The following MAZ variants were observed in gnomAD, a reference collection of about 807,000 sequenced individuals.
MAZ encodes myc-associated zinc finger protein.
A neutral mutation model predicts 32.7 loss-of-function variants in MAZ; 4 were observed. The ratio of observed to expected loss-of-function variants is 0.12; its 90% CI spans 0.06 to 0.28. The LOEUF is 0.28. Among genes scored for constraint, MAZ ranks in the 10% least tolerant of loss-of-function variants. The probability of loss-of-function intolerance (pLI) is 1.00; values close to 1 mark genes in which losing one functional copy is unlikely to be tolerated. For synonymous variants in MAZ, 510 were observed against 297.6 expected (o/e 1.71, Z -7.35); for missense variants, 763 against 667.2 (o/e 1.14, Z -1.58).
In MAZ at chr16:29,806,732, G is replaced by GCC; in HGVS notation, c.38_39dup (p.Phe14ProfsTer16). 1.5e-6 allele frequency: 2 copies of GCC among 1,378,002 alleles called. No homozygotes were observed. The highest frequency in any genetic ancestry group is 1.4e-5 in the South Asian group (1 of 69,274). The allele number at this position is 1,378,002 out of a possible 1,614,324, so 85.4% of individuals were successfully genotyped here. Reference sequence around the variant, plus strand: ...CCCGGTGTTTCCTTGCACGCTGCTGGCCCCCCCCTTCCCCGTGCTGGGCCT... The same window carrying GCC: ...CCCGGTGTTTCCTTGCACGCTGCTGGCCCCCCCCCCTTCCCCGTGCTGGGCCT... On this transcript the variant is annotated frameshift_variant, in exon 1 of 5. Transcript: ENST00000322945. LOFTEE classifies it high-confidence loss of function.
At chr16:29,806,193 TCCCCCCGCCCCCAC>T, upstream of MAZ, 2 of 215,028 alleles carry the variant, frequency 9.3e-6, no homozygotes, top group Non-Finnish European at 7.9e-6. Context: ...AACAACTCCC[TCCCCCCGCCCCCAC>T]CCCCCTGCCC....
rs902744487 is a variant in MAZ at position 29,811,067 on chromosome 16, G to C, written c.*836G>C. 1.0e-4 allele frequency: 47 copies of C among 454,888 alleles called. No homozygotes were observed. The highest frequency in any genetic ancestry group is 1.9e-4 in the Non-Finnish European group (43 of 226,260). 28.2% of individuals were successfully genotyped at this position (454,888 alleles called of 1,614,324 possible). ...CACGACAGAAGAAGTTGTGGCCCTG[G>C]CCATGTCATCGTGTTCCTGTGTCCC... is the stretch of plus-strand genomic sequence containing the variant. On this transcript the variant is annotated 3_prime_UTR_variant, in exon 5 of 5. Transcript: ENST00000322945.
chr16:29,807,533 G>A lies in MAZ; in HGVS notation c.748G>A (p.Glu250Lys), dbSNP rs766579552. ...QLSGAGGGGGEAGAGGGAAAV... is the reference protein window; with the variant it reads ...QLSGAGGGGGKAGAGGGAAAV... ...GAGCGGAGCCGGCGGGGGAGGGGGA[G>A]AGGCGGGTGCCGGCGGCGGCGCTGC... The change falls in exon 2 of 5, where the codon GAG becomes AAG. Residue 250 changes from glutamate to lysine, a missense_variant. Coordinates refer to ENST00000322945, the MANE Select transcript of MAZ (RefSeq NM_002383.4). 2 of 1,603,350 alleles carry A rather than the reference G, an allele frequency of 1.2e-6. No homozygotes were observed. The highest frequency in any genetic ancestry group is 1.7e-6 in the Non-Finnish European group (2 of 1,176,486).
chr16:29,808,419 C>A lies in MAZ; in HGVS notation c.1107+126C>A, dbSNP rs540067493. ...TTGCCTTTTTGCTCCATTTTCTCAT[C>A]CCTTCTTCAAGGCCTCATCATGTCA... On this transcript the variant is annotated intron_variant, in intron 3 of 4. Coordinates refer to ENST00000322945, the MANE Select transcript of MAZ (RefSeq NM_002383.4). 9 of 1,078,960 alleles carry A rather than the reference C, an allele frequency of 8.3e-6. 1 individual carries two copies. The Admixed American group carries it at 9.9e-5, about 12-fold the overall frequency. 66.8% of individuals were successfully genotyped at this position (1,078,960 alleles called of 1,614,324 possible). A position where few individuals can be genotyped will look rare whatever the true frequency, so the allele number is the denominator to read the frequency against.
At chr16:29,809,247 G>T (rs1426464550) in intron 4 of MAZ, 5 of 534,850 alleles carry the variant, frequency 9.3e-6, no homozygotes, top group Non-Finnish European at 1.6e-5. Context: ...GGTCAACCCT[G>T]CAAGTGGCTA....
chr16:29,809,725 C>A, intron 4 of MAZ: 1 of 1,463,308 alleles, frequency 6.8e-7, no homozygotes, highest in Non-Finnish European at 9.0e-7. Context: ...CGCCCCCCAG[C>A]CACAGCCCAC....
At position 29,811,105 on chromosome 16, in the gene MAZ, C is replaced by T. The variant is rs1291338531; in HGVS notation, c.*874C>T. 2 of 451,176 alleles carry T rather than the reference C, an allele frequency of 4.4e-6. No homozygotes were observed. Among genetic ancestry groups the T allele is most frequent in the Non-Finnish European group, 8.9e-6 (2 of 224,568 alleles). The allele number at this position is 451,176 out of a possible 1,614,324, so 27.9% of individuals were successfully genotyped here. On this transcript the variant is annotated 3_prime_UTR_variant, in exon 5 of 5. Transcript: ENST00000322945. Reference sequence around the variant, plus strand: ...GTTCCTGTGTCCCCTGCATGTACCCCACCCTCCACCCCTTCCTTTTGCGCG... The same window carrying T: ...GTTCCTGTGTCCCCTGCATGTACCCTACCCTCCACCCCTTCCTTTTGCGCG...
intron 4 of MAZ, 120 bp from the exon 5 acceptor site, chr16:29,809,957 T>A (rs1378669369): frequency 1.4e-6 from 2 of 1,480,422 alleles, no homozygotes; most frequent in Non-Finnish European, 1.8e-6. Flanking sequence ...GCCTCTGGGG[T>A]CCAGATAGGA....
intron 3 of MAZ, 134 bp downstream of exon 3, chr16:29,808,427 C>G (rs537347860): frequency 2.1e-5 from 22 of 1,026,482 alleles, no homozygotes; most frequent in Admixed American, 2.0e-5. Context: ...ATCCCTTCTT[C>G]AAGGCCTCAT....
rs760052132 is a variant in MAZ, at chr16:29,807,325, G to A, written c.540G>A (p.Leu180=). The A allele has an allele frequency of 7.1e-5, 114 of 1,608,384 alleles. No individual in the cohort carries two copies. Among genetic ancestry groups the A allele is most frequent in the Non-Finnish European group, 9.3e-5 (109 of 1,178,140 alleles). ...TVAVAPVASA[L]EKKTKSKGPY... is the part of the protein sequence containing the mutation. ...CCGTGGCCCCGGTCGCGTCTGCCTT[G>A]GAGAAGAAGACAAAGAGCAAGGGGC... Residue 180 remains leucine (L), a synonymous_variant, in exon 2 of 5, where the codon TTG becomes TTA. Coordinates refer to ENST00000322945, the MANE Select transcript of MAZ (RefSeq NM_002383.4).
upstream of MAZ, chr16:29,806,145 A>G: frequency 2.5e-6 from 2 of 785,678 alleles, no homozygotes; most frequent in Non-Finnish European, 3.3e-6. Context: ...TCCCTCCGCC[A>G]TGGATCCCAG....
chr16:29,807,538 G>A lies in MAZ; in HGVS notation c.753G>A (p.Ala251=). The change falls in exon 2 of 5, where the codon GCG becomes GCA. Residue 251 remains alanine, a synonymous_variant. Coordinates refer to ENST00000322945, the MANE Select transcript of MAZ (RefSeq NM_002383.4). ...LSGAGGGGGE[A]GAGGGAAAVA... is the part of the protein sequence containing the mutation. Reference sequence around the variant, plus strand: ...GAGCCGGCGGGGGAGGGGGAGAGGCGGGTGCCGGCGGCGGCGCTGCCGCAG... The same window carrying A: ...GAGCCGGCGGGGGAGGGGGAGAGGCAGGTGCCGGCGGCGGCGCTGCCGCAG... 1 of 1,601,534 alleles carries A rather than the reference G, an allele frequency of 6.2e-7. No homozygotes were observed. The highest frequency in any genetic ancestry group is 8.5e-7 in the Non-Finnish European group (1 of 1,175,444).
Position 29,807,846 on chromosome 16 carries a change from G to A in MAZ, c.1043+18G>A. The stretch of plus-strand genomic sequence containing the variant: ...TTCTCCCGGTGTGCACGGGGCCTCG[G>A]CCGCCCGCTAGGCCGTGGGGAGGGA... On this transcript the variant is annotated intron_variant, in intron 2 of 4. Coordinates refer to ENST00000322945, the MANE Select transcript of MAZ (RefSeq NM_002383.4). The A allele has an allele frequency of 1.3e-6, 2 of 1,597,028 alleles. No individual in the cohort carries two copies. Among genetic ancestry groups the A allele is most frequent in the Non-Finnish European group, 1.7e-6 (2 of 1,175,792 alleles).
At chr16:29,808,407 C>A (rs73528341) in intron 3 of MAZ, 114 bp downstream of exon 3, 3 of 1,149,032 alleles carry the variant, frequency 2.6e-6, no homozygotes, top group African/African-American at 3.1e-5. Flanking sequence ...CCTTTTTGCT[C>A]CATTTTCTCA....
chr16:29,806,830 G>T lies in MAZ; in HGVS notation c.129G>T (p.Gln43His). The T allele has an allele frequency of 6.9e-7, 1 of 1,454,944 alleles. No individual in the cohort carries two copies. Among genetic ancestry groups the T allele is most frequent in the Non-Finnish European group, 9.1e-7 (1 of 1,096,682 alleles). The allele number at this position is 1,454,944 out of a possible 1,614,324, so 90.1% of individuals were successfully genotyped here. Residue 43 changes from glutamine (Q) to histidine (H), a missense_variant, in exon 1 of 5, where the codon CAG becomes CAT. Physicochemically the swap from Gln to His is conservative, Grantham distance 24 (BLOSUM62 0). Coordinates refer to ENST00000322945, the MANE Select transcript of MAZ (RefSeq NM_002383.4). ...AGGGTCACGCCCAGAACCCCCTGCA[G>T]GTCGGGGCTGAGCTCCAGTCCCGCT... ...PPQGHAQNPLQVGAELQSRFF... is the reference protein window; with the variant it reads ...PPQGHAQNPLHVGAELQSRFF...
Position 29,810,351 on chromosome 16 carries a change from G to A in MAZ, c.*120G>A, listed in dbSNP as rs776242295. The A allele has an allele frequency of 9.7e-6, 10 of 1,030,614 alleles. No homozygotes were observed. The highest frequency in any genetic ancestry group is 7.8e-5 in the East Asian group (3 of 38,674). The allele number at this position is 1,030,614 out of a possible 1,614,324, so 63.8% of individuals were successfully genotyped here. On this transcript the variant is annotated 3_prime_UTR_variant, in exon 5 of 5. Transcript: ENST00000322945. Reference sequence around the variant, plus strand: ...CTACCAACCAAGGAGCCTCCAGAAGGAAAGGAGGAAGAAATGTTTTCTTAG... The same window carrying A: ...CTACCAACCAAGGAGCCTCCAGAAGAAAAGGAGGAAGAAATGTTTTCTTAG...
At position 29,810,341 on chromosome 16, in the gene MAZ, C is replaced by G; in HGVS notation, c.*110C>G. On this transcript the variant is annotated 3_prime_UTR_variant, in exon 5 of 5. Transcript: ENST00000322945. The stretch of plus-strand genomic sequence containing the variant: ...TCCTATTTCCCTACCAACCAAGGAG[C>G]CTCCAGAAGGAAAGGAGGAAGAAAT... The G allele has an allele frequency of 8.9e-7, 1 of 1,123,316 alleles. No homozygotes were observed. Among genetic ancestry groups the G allele is most frequent in the South Asian group, 1.3e-5 (1 of 75,814 alleles). The allele number at this position is 1,123,316 out of a possible 1,614,324, so 69.6% of individuals were successfully genotyped here. A position where few individuals can be genotyped will look rare whatever the true frequency, so the allele number is the denominator to read the frequency against.
chr16:29,806,887 A>T lies in MAZ; in HGVS notation c.186A>T (p.Pro62=). The change falls in exon 1 of 5, where the codon CCA becomes CCT. Residue 62 remains proline (P), a synonymous_variant. Transcript: ENST00000322945. Reference sequence around the variant, plus strand: ...CCTCCCAGGGCTGCGCCCAGAGTCCATTCCAGGTGAGTAGGGCCGGCCGCG... The same window carrying T: ...CCTCCCAGGGCTGCGCCCAGAGTCCTTTCCAGGTGAGTAGGGCCGGCCGCG... ...FFASQGCAQS[P]FQAAPAPPPT... The T allele has an allele frequency of 7.3e-7, 1 of 1,377,794 alleles. No individual in the cohort carries two copies. Among genetic ancestry groups the T allele is most frequent in the Non-Finnish European group, 9.5e-7 (1 of 1,053,812 alleles). 85.3% of individuals were successfully genotyped at this position (1,377,794 alleles called of 1,614,324 possible). A position where few individuals can be genotyped will look rare whatever the true frequency, so the allele number is the denominator to read the frequency against.
chr16:29,809,562 G>C, intron 4 of MAZ: 3 of 1,611,466 alleles, frequency 1.9e-6, no homozygotes, highest in Non-Finnish European at 2.5e-6. Flanking sequence ...CAGCATACCT[G>C]CGCATCCACG....
Sources: gnomAD v4.1 joint callset for allele counts on GRCh38, gnomAD v4.1.1 for gene constraint, MANE v1.5 for transcripts, NCBI Gene and HGNC (gene_info 2026-07-23, HGNC 2026-07-21) for gene names.